Variants in SLC38A9 observed in about 807,000 individuals in gnomAD.
The protein encoded by SLC38A9 is neutral amino acid transporter 9.
A neutral mutation model predicts 62.3 loss-of-function variants in SLC38A9; 48 were observed. The observed-to-expected ratio is 0.77, with a 90% confidence interval of 0.61 to 0.98. The LOEUF is 0.98. Among genes scored for constraint, SLC38A9 ranks in the 50% least tolerant of loss-of-function variants. The probability of loss-of-function intolerance (pLI) is 0.00; values close to 1 mark genes in which losing one functional copy is unlikely to be tolerated. For missense variants in SLC38A9, 541 were observed against 679.8 expected (o/e 0.80, Z 2.27); for synonymous variants, 204 against 227.7 (o/e 0.90, Z 0.94).
intron 9 of SLC38A9, among the ~76,000 whole-genome samples, chr5:55,655,755 C>T (rs1179118013): frequency 6.6e-6 from 1 of 152,124 alleles, no homozygotes; most frequent in Non-Finnish European, 1.5e-5. Flanking sequence ...TCTTAGTGAT[C>T]AATGTGCATC....
chr5:55,698,008 A>G lies in SLC38A9; in HGVS notation c.-34-16T>C. ...GAAGTTAGTCCTACACAAAGAAGATAAATAATTTAGTTTAATTTTAAAATA... is the reference window on the plus strand; with the variant it reads ...GAAGTTAGTCCTACACAAAGAAGATGAATAATTTAGTTTAATTTTAAAATA... On this transcript the variant is annotated splice_polypyrimidine_tract_variant and intron_variant, in intron 2 of 15. Transcript: ENST00000396865. The G allele has an allele frequency of 1.2e-6, 1 of 861,402 alleles. No individual in the cohort carries two copies. The highest frequency in any genetic ancestry group is 1.8e-6 in the Non-Finnish European group (1 of 541,670). 53.4% of individuals were successfully genotyped at this position (861,402 alleles called of 1,614,324 possible).
At chr5:55,634,944 T>C (rs538000607) in intron 13 of SLC38A9, 96 of 151,874 alleles carry the variant, frequency 6.3e-4, no homozygotes, top group African/African-American at 2.2e-3. Flanking sequence ...AATCTTTTAT[T>C]AAAATATTTT....
intron 10 of SLC38A9, among the ~76,000 whole-genome samples, chr5:55,650,494 A>AT (rs1747195881): frequency 6.6e-6 from 1 of 152,216 alleles, no homozygotes; most frequent in African/African-American, 2.4e-5. Context: ...AAATCCTTCT[A>AT]TAAGTTTATA....
At chr5:55,684,477 G>A (rs550370769) in intron 3 of SLC38A9, among the ~76,000 whole-genome samples, 125 of 152,254 alleles carry the variant, frequency 8.2e-4, no homozygotes, top group African/African-American at 2.9e-3. Flanking sequence ...TTGGGCTTCA[G>A]TTCCTGAAAG....
At chr5:55,691,043 A>C in intron 3 of SLC38A9, 1 of 631,762 alleles carries the variant, frequency 1.6e-6, no homozygotes, top group Non-Finnish European at 2.8e-6. Flanking sequence ...ACGCTAGAGG[A>C]CATTATAAAA....
At chr5:55,698,933 C>CAAATGGATGTT (rs2150642407) in intron 2 of SLC38A9, among the ~76,000 whole-genome samples, 1 of 131,076 alleles carries the variant, frequency 7.6e-6, no homozygotes, top group South Asian at 2.8e-4. Flanking sequence ...GAGTGAGACC[C>CAAATGGATGTT]TGTCTCAAAT....
intron 3 of SLC38A9, among the ~76,000 whole-genome samples, chr5:55,680,908 A>G (rs1428643535): frequency 6.6e-6 from 1 of 152,266 alleles, no homozygotes; most frequent in South Asian, 2.1e-4. Context: ...CAATCCCAGA[A>G]TAACAGAACA....
At chr5:55,661,249 C>A (rs993065033) in intron 8 of SLC38A9, among the ~76,000 whole-genome samples, 35 of 151,870 alleles carry the variant, frequency 2.3e-4, no homozygotes, top group African/African-American at 7.0e-4. Context: ...TCCAGACCAT[C>A]CTGGCTAACA....
At chr5:55,697,211 G>A (rs1351283178) in intron 3 of SLC38A9, 1 of 153,872 alleles carries the variant, frequency 6.5e-6, no homozygotes, top group African/African-American at 2.4e-5. Flanking sequence ...CAAGGCAGGC[G>A]GCTGGGAGGT....
intron 1 of SLC38A9, among the ~76,000 whole-genome samples, 169 bp downstream of exon 1, chr5:55,712,048 C>A (rs577907902): frequency 5.5e-4 from 84 of 152,322 alleles, no homozygotes; most frequent in African/African-American, 1.8e-3. Context: ...CGGCTCCAGG[C>A]TATGGCCTCC....
intron 12 of SLC38A9, among the ~76,000 whole-genome samples, chr5:55,642,131 C>T (rs1209105170): frequency 1.3e-5 from 2 of 152,144 alleles, no homozygotes; most frequent in Non-Finnish European, 2.9e-5. Flanking sequence ...CCACAACATC[C>T]ACCTCCCAGG....
chr5:55,697,097 G>C (rs1388636442), intron 3 of SLC38A9: 1 of 150,274 alleles, frequency 6.7e-6, no homozygotes, highest in Non-Finnish European at 1.5e-5. Context: ...CAGGCAGAGG[G>C]GCTCCTCACA....
intron 9 of SLC38A9, among the ~76,000 whole-genome samples, chr5:55,656,206 T>G (rs937446225): frequency 1.3e-5 from 2 of 151,244 alleles, no homozygotes; most frequent in Non-Finnish European, 2.9e-5. Flanking sequence ...TATTGCTTGG[T>G]TGTATTAATA....
chr5:55,649,444 A>T (rs1263927459), intron 10 of SLC38A9, 130 bp from the exon 11 acceptor site: 1 of 532,122 alleles, frequency 1.9e-6, no homozygotes, highest in Non-Finnish European at 3.3e-6. Context: ...ATCTCCACTA[A>T]CACCCAGCTG....
Position 55,659,378 on chromosome 5 carries a change from G to GTTTTTTT in SLC38A9, c.698-2611_698-2605dup, listed in dbSNP as rs35686566. Reference sequence around the variant, plus strand: ...ATGAACTATTAAAAAAACTGGAAAGGTTTTTTTTTTTATTTTATTTTGATT... The same window carrying GTTTTTTT: ...ATGAACTATTAAAAAAACTGGAAAGGTTTTTTTTTTTTTTTTTTATTTTATTTTGATT... On this transcript the variant is annotated intron_variant, in intron 8 of 15. Transcript: ENST00000396865. Among the ~76,000 whole-genome samples, 79 of 125,606 alleles carry GTTTTTTT rather than the reference G, an allele frequency of 6.3e-4. 1 individual carries two copies. Among genetic ancestry groups the GTTTTTTT allele is most frequent in the Middle Eastern group, 4.4e-3 (1 of 226 alleles). The allele number at this position is 125,606 out of a possible 152,430, so 82.4% of individuals were successfully genotyped here.
intron 9 of SLC38A9, among the ~76,000 whole-genome samples, 167 bp downstream of exon 9, chr5:55,656,548 G>A (rs1430760461): frequency 1.3e-5 from 2 of 151,948 alleles, no homozygotes; most frequent in Non-Finnish European, 2.9e-5. Flanking sequence ...AGCCTTTTTG[G>A]AGGTTCTTTT....
chr5:55,655,187 T>C (rs1330801968), intron 9 of SLC38A9, among the ~76,000 whole-genome samples: 2 of 152,172 alleles, frequency 1.3e-5, no homozygotes, highest in African/African-American at 4.8e-5. Context: ...ATACTCTCAT[T>C]GTTTACTACA....
chr5:55,707,463 A>G (rs965624124), intron 2 of SLC38A9, among the ~76,000 whole-genome samples: 1 of 152,194 alleles, frequency 6.6e-6, no homozygotes, highest in Non-Finnish European at 1.5e-5. Flanking sequence ...CTCTACTAAA[A>G]GTACAAAAAT....
chr5:55,687,375 G>C (rs1484574796), intron 3 of SLC38A9, among the ~76,000 whole-genome samples: 3 of 144,764 alleles, frequency 2.1e-5, no homozygotes, highest in African/African-American at 7.7e-5. Flanking sequence ...TGCAGTGAGC[G>C]GAGATCGCGC....
Sources: allele counts gnomAD v4.1 joint callset (sites outside exome capture counted in the v4.1 genomes callset), GRCh38; gene constraint gnomAD v4.1.1; transcripts MANE v1.5; gene names NCBI Gene and HGNC (gene_info 2026-07-23, HGNC 2026-07-21).